Variants in BRD10 observed in about 807,000 individuals in gnomAD.
The protein encoded by BRD10 is uncharacterized bromodomain-containing protein 10.
the BRD10 span, chr9:6,007,479 C>T: frequency 1.2e-6 from 2 of 1,611,644 alleles, no homozygotes; most frequent in Non-Finnish European, 1.7e-6. Context: ...CCCCCAAGGG[C>T]TGCAGAAAGG....
chr9:5,924,574 C>A, the BRD10 span: 1 of 697,342 alleles, frequency 1.4e-6, no homozygotes, highest in Non-Finnish European at 2.3e-6. Flanking sequence ...ATTTCATTGA[C>A]CATATTATCT....
the BRD10 span, among the ~76,000 whole-genome samples, chr9:5,964,241 C>A: frequency 1.4e-5 from 2 of 143,982 alleles, no homozygotes; most frequent in Non-Finnish European, 3.1e-5. Flanking sequence ...AAAAAGTGGG[C>A]GAAGGACATG....
At chr9:5,965,036 C>A in the BRD10 span, among the ~76,000 whole-genome samples, 1 of 129,542 alleles carries the variant, frequency 7.7e-6, no homozygotes, top group Non-Finnish European at 1.6e-5. Flanking sequence ...TGCACATGTA[C>A]CCTAAAACTT....
At chr9:5,889,751 C>T in the BRD10 span, among the ~76,000 whole-genome samples, 1 of 151,928 alleles carries the variant, frequency 6.6e-6, no homozygotes, top group Non-Finnish European at 1.5e-5. Flanking sequence ...TGCCACTGCA[C>T]TCCAGCCTGG....
chr9:5,919,742 G>A, the BRD10 span: 232 of 1,613,416 alleles, frequency 1.4e-4, 1 homozygote, highest in African/African-American at 2.9e-3. Context: ...AGGGAAGACA[G>A]ACGCAGGACT....
chr9:6,007,340 G>T, the BRD10 span: 1 of 1,613,632 alleles, frequency 6.2e-7, no homozygotes, highest in Non-Finnish European at 8.5e-7. Context: ...CCCCCGTACT[G>T]GCCGCTGGCG....
the BRD10 span, chr9:5,920,908 T>TGCATAATA: frequency 6.2e-7 from 1 of 1,614,020 alleles, no homozygotes; most frequent in Non-Finnish European, 8.5e-7. Context: ...AAAGTCTATT[T>TGCATAATA]GACAAAATAG....
At chr9:5,910,237 T>G in the BRD10 span, 2 of 152,154 alleles carry the variant, frequency 1.3e-5, no homozygotes, top group Non-Finnish European at 2.9e-5. Flanking sequence ...GTAAACCACC[T>G]AAAAATCATC....
chr9:5,886,632 G>T, the BRD10 span, among the ~76,000 whole-genome samples: 1 of 152,208 alleles, frequency 6.6e-6, no homozygotes, highest in Non-Finnish European at 1.5e-5. Flanking sequence ...GATTGCCAGG[G>T]GAGAAAAGGA....
chr9:5,919,643 C>T, the BRD10 span: 2 of 1,520,932 alleles, frequency 1.3e-6, no homozygotes, highest in Non-Finnish European at 1.8e-6. Flanking sequence ...GGAGTCAAAA[C>T]AATGCCCCAT....
chr9:6,006,570 T>C, the BRD10 span, among the ~76,000 whole-genome samples: 1 of 152,206 alleles, frequency 6.6e-6, no homozygotes, highest in African/African-American at 2.4e-5. Flanking sequence ...TCTGGTAGAA[T>C]AAACATAAAT....
the BRD10 span, among the ~76,000 whole-genome samples, chr9:5,983,239 C>G: frequency 6.6e-6 from 1 of 152,180 alleles, no homozygotes; most frequent in Non-Finnish European, 1.5e-5. Flanking sequence ...AGGCATTATG[C>G]TATTGTAGGG....
At chr9:5,898,169 G>A in the BRD10 span, 1 of 153,176 alleles carries the variant, frequency 6.5e-6, no homozygotes, top group Non-Finnish European at 1.5e-5. Flanking sequence ...TCAGCCTCCA[G>A]AGTAGCTGGG....
chr9:5,944,233 G>C, the BRD10 span, among the ~76,000 whole-genome samples: 2 of 151,968 alleles, frequency 1.3e-5, no homozygotes, highest in African/African-American at 2.4e-5. Context: ...TAGTTAAATA[G>C]GTGTTATTGA....
At chr9:6,007,067 G>C in the BRD10 span, 5 of 924,688 alleles carry the variant, frequency 5.4e-6, no homozygotes, top group Non-Finnish European at 6.5e-6. Flanking sequence ...CTCCTCCCGG[G>C]CTTCTCCAGC....
chr9:5,936,393 T>C, the BRD10 span, among the ~76,000 whole-genome samples: 1 of 152,178 alleles, frequency 6.6e-6, no homozygotes, highest in Non-Finnish European at 1.5e-5. Flanking sequence ...TGTTTCATGC[T>C]GTCAGTAAAT....
the BRD10 span, among the ~76,000 whole-genome samples, chr9:5,888,926 G>T: frequency 1.1e-4 from 16 of 152,176 alleles, no homozygotes; most frequent in African/African-American, 3.6e-4. Context: ...GATGTACAAT[G>T]AAAAGTGGAT....
the BRD10 span, among the ~76,000 whole-genome samples, chr9:5,960,775 A>G: frequency 6.6e-6 from 1 of 152,126 alleles, no homozygotes; most frequent in Non-Finnish European, 1.5e-5. Flanking sequence ...CTTGCTCTAC[A>G]CAATCTATAA....
chr9:5,940,815 T>C, the BRD10 span, among the ~76,000 whole-genome samples: 2 of 152,152 alleles, frequency 1.3e-5, no homozygotes, highest in East Asian at 1.9e-4. Flanking sequence ...AATTTAGAAA[T>C]AAATAAAATC....
Sources: gnomAD v4.1 joint callset for allele counts (sites outside exome capture counted in the v4.1 genomes callset) on GRCh38, gnomAD v4.1.1 for gene constraint, MANE v1.5 for transcripts, NCBI Gene and HGNC (gene_info 2026-07-23, HGNC 2026-07-21) for gene names.